The following MCM10 variants were observed in gnomAD, a reference collection of about 807,000 sequenced individuals.
MCM10 encodes minichromosome maintenance 10 replication initiation factor.
Under a neutral mutation model 109.9 loss-of-function variants are expected in MCM10, and 91 were observed. The observed-to-expected ratio is 0.83, with a 90% CI of 0.70 to 0.99. The LOEUF is 0.99. MCM10 is among the 50% of genes least tolerant of loss of function. The pLI, the probability that MCM10 is intolerant of heterozygous loss-of-function variation, is 0.00. For synonymous variants in MCM10, 380 were observed against 387.2 expected (o/e 0.98, Z 0.22); for missense variants, 1,077 against 1,061.2 (o/e 1.01, Z -0.21).
intron 9 of MCM10, among the ~76,000 whole-genome samples, chr10:13,188,510 A>G (rs1257867646): frequency 6.6e-6 from 1 of 152,092 alleles, no homozygotes; most frequent in Admixed American, 6.6e-5. Flanking sequence ...GTCTCTATGG[A>G]TTTGCCTCTT....
chr10:13,182,794 T>C lies in MCM10; in HGVS notation c.931-139T>C, dbSNP rs1779114176. On this transcript the variant is annotated intron_variant, in intron 7 of 19. Transcript: ENST00000378714. This position sits in a 1 kb window ranked among gnomAD's most constrained non-coding sequence, Gnocchi z 4.2. ...TTAAAGTTATCACACATGCTGATGA[T>C]ACATATTTGAATAACAACAAAAAAA... 1 of 610,940 alleles carries C rather than the reference T, an allele frequency of 1.6e-6. No individual in the cohort carries two copies. The highest frequency in any genetic ancestry group is 2.8e-5 in the East Asian group (1 of 36,072). 37.8% of individuals were successfully genotyped at this position (610,940 alleles called of 1,614,324 possible).
Position 13,172,124 on chromosome 10 carries a change from A to G in MCM10, c.350-252A>G, listed in dbSNP as rs1040173303. On this transcript the variant is annotated intron_variant, in intron 3 of 19. Coordinates refer to ENST00000378714, the MANE Select transcript of MCM10 (RefSeq NM_018518.5). The surrounding 1 kb of genome is among the most constrained non-coding windows in gnomAD (Gnocchi z 5.2). ...ACTTGTTAACTGTGGATTTTATTTG[A>G]TATCTCTTAATAGTAAAGATTTATA... is the stretch of plus-strand genomic sequence containing the variant. Among the ~76,000 whole-genome samples, 1 of 152,040 alleles carries G rather than the reference A, an allele frequency of 6.6e-6. No individual in the cohort carries two copies. The highest frequency in any genetic ancestry group is 1.9e-4 in the East Asian group (1 of 5,188).
rs571663259 is a variant in MCM10, at chr10:13,180,663, C to T, written c.930+56C>T. The T allele has an allele frequency of 4.3e-5, 68 of 1,586,078 alleles. No individual in the cohort carries two copies. In the South Asian group the frequency reaches 6.9e-4, roughly 16 times the overall value. ...TTACTACAAACTGACAGTGGGAATT[C>T]GATGTCCTGAATTTGTTAACTGGAA... On this transcript the variant is annotated intron_variant, in intron 7 of 19. Coordinates refer to ENST00000378714, the MANE Select transcript of MCM10 (RefSeq NM_018518.5).
intron 17 of MCM10, among the ~76,000 whole-genome samples, chr10:13,203,232 C>G (rs760403987): frequency 6.6e-6 from 1 of 152,084 alleles, no homozygotes; most frequent in African/African-American, 2.4e-5. Flanking sequence ...TTCCTGCAGA[C>G]GGGGCTGCAG....
At chr10:13,181,261 A>G (rs74122569) in intron 7 of MCM10, among the ~76,000 whole-genome samples, 62 of 152,000 alleles carry the variant, frequency 4.1e-4, no homozygotes, top group African/African-American at 1.4e-3. Context: ...TAGATTGAAA[A>G]TCTCTCCTAT....
At chr10:13,167,621 C>G (rs1364080064) in intron 2 of MCM10, among the ~76,000 whole-genome samples, 1 of 151,972 alleles carries the variant, frequency 6.6e-6, no homozygotes, top group Non-Finnish European at 1.5e-5. Context: ...TGATGATCAG[C>G]ACATGACAGT....
rs1041921122 is a variant in MCM10 at position 13,182,602 on chromosome 10, G to A, written c.931-331G>A. 6.6e-6 allele frequency among the ~76,000 whole-genome samples: 1 copy of A among 152,020 alleles called. No individual in the cohort carries two copies. The highest frequency in any genetic ancestry group is 2.4e-5 in the African/African-American group (1 of 41,364). On this transcript the variant is annotated intron_variant, in intron 7 of 19. Transcript: ENST00000378714. The surrounding 1 kb of genome is among the most constrained non-coding windows in gnomAD (Gnocchi z 4.2). ...TACCTTCCACTGTCCTTTTAATGAT[G>A]TGTGTGTGTGTCTCTGTGTCATTAG...
At chr10:13,193,012 A>G (rs1369670524) in intron 13 of MCM10, among the ~76,000 whole-genome samples, 1 of 151,986 alleles carries the variant, frequency 6.6e-6, no homozygotes, top group Non-Finnish European at 1.5e-5. Context: ...TGGCCTCCCA[A>G]GTAGTTGGGA....
At chr10:13,180,722 A>C in intron 7 of MCM10, 115 bp downstream of exon 7, 1 of 1,218,926 alleles carries the variant, frequency 8.2e-7, no homozygotes, top group Non-Finnish European at 1.2e-6. Context: ...TAAGTATAGT[A>C]AGTTCCAGAA....
At position 13,180,562 on chromosome 10, in the gene MCM10, A is replaced by C. The variant is rs368416850; in HGVS notation, c.885A>C (p.Thr295=). 4.3e-6 allele frequency: 7 copies of C among 1,614,048 alleles called. No homozygotes were observed. In the South Asian group the frequency reaches 7.7e-5, roughly 18 times the overall value. Residue 295 remains threonine (T), a synonymous_variant, in exon 7 of 20, where the codon ACA becomes ACC. Coordinates refer to ENST00000378714, the MANE Select transcript of MCM10 (RefSeq NM_018518.5). The stretch of plus-strand genomic sequence containing the variant: ...AGCTGGAAGAAATAGATTGGGTGAC[A>C]TTTGGGGTTATATTGAAGAAGGTTA... ...REKLEEIDWV[T]FGVILKKVTP...
chr10:13,165,842 C>A (rs1393956456), intron 2 of MCM10, among the ~76,000 whole-genome samples: 1 of 148,848 alleles, frequency 6.7e-6, no homozygotes, highest in African/African-American at 2.5e-5. Flanking sequence ...ACTACTGCAC[C>A]TCCAGCCTGG....
chr10:13,205,570 G>A (rs1341495742), intron 18 of MCM10, among the ~76,000 whole-genome samples: 1 of 152,158 alleles, frequency 6.6e-6, no homozygotes, highest in Non-Finnish European at 1.5e-5. Context: ...TTGAATGGTA[G>A]TTTTATTTTT....
intron 1 of MCM10, 97 bp from the exon 2 acceptor site, chr10:13,164,031 A>G: frequency 2.2e-6 from 1 of 448,898 alleles, no homozygotes; most frequent in South Asian, 4.2e-5. Flanking sequence ...CTGAGGTTAG[A>G]GCCCATAGGA....
chr10:13,195,339 C>T, intron 14 of MCM10, 70 bp downstream of exon 14: 1 of 1,110,190 alleles, frequency 9.0e-7, no homozygotes, highest in Non-Finnish European at 1.3e-6. Flanking sequence ...GAAAGACAGA[C>T]ACCTAATAGC....
At chr10:13,201,645 G>A in intron 17 of MCM10, 111 bp downstream of exon 17, 2 of 787,926 alleles carry the variant, frequency 2.5e-6, no homozygotes, top group Non-Finnish European at 4.2e-6. Flanking sequence ...TGATGTGTCA[G>A]TTAATTAGGC....
chr10:13,188,643 TG>T (rs1834305209), intron 9 of MCM10, among the ~76,000 whole-genome samples: 1 of 152,202 alleles, frequency 6.6e-6, no homozygotes, highest in South Asian at 2.1e-4. Context: ...TGATTTCCTT[TG>T]TAGAAAGAGG....
chr10:13,206,076 C>T (rs1003297133), intron 18 of MCM10, among the ~76,000 whole-genome samples: 3 of 152,226 alleles, frequency 2.0e-5, no homozygotes, highest in Non-Finnish European at 2.9e-5. Flanking sequence ...CTCTGCCATT[C>T]TCCAATGGTT....
At chr10:13,193,303 T>TA (rs570095418) in intron 13 of MCM10, among the ~76,000 whole-genome samples, 31,801 of 144,558 alleles carry the variant, frequency 0.22, 3,913 homozygotes, top group African/African-American at 0.33. Flanking sequence ...AGCCAATAAT[T>TA]AAAAAAAAAA....
intron 13 of MCM10, among the ~76,000 whole-genome samples, chr10:13,193,118 C>T (rs567870989): frequency 4.6e-5 from 7 of 152,008 alleles, no homozygotes; most frequent in Admixed American, 1.3e-4. Context: ...AATTCCTGGA[C>T]GCAAGCCTGG....
Sources: allele counts gnomAD v4.1 joint callset (sites outside exome capture counted in the v4.1 genomes callset), GRCh38; gene constraint gnomAD v4.1.1; non-coding constraint Gnocchi (gnomAD v3.1); transcripts MANE v1.5; gene names NCBI Gene and HGNC (gene_info 2026-07-23, HGNC 2026-07-21).